ACTL8: variants seen among roughly 807,000 people sequenced by gnomAD.
ACTL8 encodes actin-like protein 8.
Under a neutral mutation model 9.3 loss-of-function variants are expected in ACTL8, and 3 were observed. That is an observed-to-expected ratio of 0.32 (90% CI 0.15 to 0.83). The LOEUF (loss-of-function observed/expected upper bound fraction) is 0.83, where lower values mean the gene tolerates loss of function less well. ACTL8 is among the 40% of genes least tolerant of loss of function. The probability of loss-of-function intolerance (pLI) is 0.57; values close to 1 mark genes in which losing one functional copy is unlikely to be tolerated. For synonymous variants in ACTL8, 224 were observed against 205.9 expected (o/e 1.09, Z -0.75); for missense variants, 381 against 492.2 (o/e 0.77, Z 2.14).
intron 1 of ACTL8, among the ~76,000 whole-genome samples, chr1:17,758,386 AT>A (rs2065980764): frequency 1.3e-5 from 2 of 152,194 alleles, no homozygotes; most frequent in African/African-American, 4.8e-5. Context: ...TATTTCATGT[AT>A]TTTTATATGT....
chr1:17,815,524 C>T (rs1274498743), intron 1 of ACTL8, among the ~76,000 whole-genome samples: 1 of 152,044 alleles, frequency 6.6e-6, no homozygotes, highest in African/African-American at 2.4e-5. Context: ...TGCAGTCATT[C>T]AAAGTGATAT....
At chr1:17,816,569 T>C (rs2066427650) in intron 1 of ACTL8, among the ~76,000 whole-genome samples, 2 of 152,236 alleles carry the variant, frequency 1.3e-5, no homozygotes, top group Non-Finnish European at 1.5e-5. Context: ...CTGTGTTCTT[T>C]TAACATCCTA....
At chr1:17,772,864 G>A (rs1165004079) in intron 1 of ACTL8, among the ~76,000 whole-genome samples, 3 of 152,060 alleles carry the variant, frequency 2.0e-5, no homozygotes, top group African/African-American at 7.2e-5. Context: ...GCCTCTGTGT[G>A]GGTAATGAGG....
At chr1:17,804,930 C>T (rs1213715512) in intron 1 of ACTL8, among the ~76,000 whole-genome samples, 1 of 152,040 alleles carries the variant, frequency 6.6e-6, no homozygotes, top group Non-Finnish European at 1.5e-5. Context: ...CATCTTCTAT[C>T]CTCAACCCAG....
chr1:17,783,834 G>A (rs545415225), intron 1 of ACTL8, among the ~76,000 whole-genome samples: 1 of 152,318 alleles, frequency 6.6e-6, no homozygotes, highest in Non-Finnish European at 1.5e-5. Flanking sequence ...GGTGTAAAGG[G>A]GATATCTTGG....
intron 1 of ACTL8, among the ~76,000 whole-genome samples, chr1:17,796,678 G>A (rs1317834346): frequency 3.3e-5 from 5 of 152,218 alleles, no homozygotes; most frequent in Non-Finnish European, 7.3e-5. Flanking sequence ...CAGCTACCCT[G>A]TGGCTCATAC....
chr1:17,792,847 AGGGAGGT>A lies in ACTL8; in HGVS notation c.-24-30135_-24-30129del, dbSNP rs2066249990. 2.0e-5 allele frequency among the ~76,000 whole-genome samples: 3 copies of A among 152,352 alleles called. No homozygotes were observed. The South Asian group carries it at 6.2e-4, about 32-fold the overall frequency. On this transcript the variant is annotated intron_variant, in intron 1 of 2. Transcript: ENST00000375406. Reference sequence around the variant, plus strand: ...AGGACAGAAGACCCTGTTATCATCCAGGGAGGTGGCAGACTGAAGATCCCAGAGAACT... The same window carrying A: ...AGGACAGAAGACCCTGTTATCATCCAGGCAGACTGAAGATCCCAGAGAACT...
At chr1:17,759,788 G>A (rs2065989655) in intron 1 of ACTL8, among the ~76,000 whole-genome samples, 1 of 152,190 alleles carries the variant, frequency 6.6e-6, no homozygotes, top group Non-Finnish European at 1.5e-5. Context: ...CTCTAGCTCA[G>A]CACTGGGTGG....
intron 1 of ACTL8, among the ~76,000 whole-genome samples, chr1:17,818,208 G>A (rs6674185): frequency 0.012 from 1,831 of 152,222 alleles, 36 homozygotes; most frequent in African/African-American, 0.042. Flanking sequence ...GCTAAAAATT[G>A]TGGTATCTTC....
chr1:17,815,455 C>T (rs2066420421), intron 1 of ACTL8, among the ~76,000 whole-genome samples: 1 of 151,952 alleles, frequency 6.6e-6, no homozygotes, highest in African/African-American at 2.4e-5. Context: ...TCTTTCAGTC[C>T]TTTAAAGATG....
intron 1 of ACTL8, among the ~76,000 whole-genome samples, chr1:17,761,223 G>T (rs1358944300): frequency 5.4e-5 from 8 of 148,886 alleles, no homozygotes; most frequent in Non-Finnish European, 1.2e-4. Flanking sequence ...CAGCCCTCCC[G>T]GCCTCCCAAA....
intron 1 of ACTL8, among the ~76,000 whole-genome samples, chr1:17,811,934 G>C (rs566992): frequency 0.49 from 73,041 of 150,496 alleles, 18,161 homozygotes; most frequent in East Asian, 0.68. Flanking sequence ...ATGATCTGAT[G>C]TCAGCTCACT....
chr1:17,810,556 G>T (rs995445445), intron 1 of ACTL8, among the ~76,000 whole-genome samples: 3 of 152,066 alleles, frequency 2.0e-5, no homozygotes, highest in African/African-American at 7.2e-5. Context: ...GGCGAGACTC[G>T]CTTTTTTTGA....
chr1:17,806,270 G>T (rs634658), intron 1 of ACTL8, among the ~76,000 whole-genome samples: 85,154 of 152,020 alleles, frequency 0.56, 24,380 homozygotes, highest in East Asian at 0.76. Flanking sequence ...AATCAATCAA[G>T]CCTTCCTGCC....
At chr1:17,761,323 G>A (rs751626729) in intron 1 of ACTL8, among the ~76,000 whole-genome samples, 3 of 151,924 alleles carry the variant, frequency 2.0e-5, no homozygotes, top group Non-Finnish European at 4.4e-5. Flanking sequence ...GCAGTGCCTG[G>A]CATGCAGCAG....
chr1:17,821,905 C>T (rs563893364), intron 1 of ACTL8, among the ~76,000 whole-genome samples: 5 of 152,308 alleles, frequency 3.3e-5, no homozygotes, highest in South Asian at 2.1e-4. Context: ...AGATTACATG[C>T]GTGAACCACC....
intron 1 of ACTL8, among the ~76,000 whole-genome samples, chr1:17,784,209 G>A (rs1331722989): frequency 1.3e-5 from 2 of 152,170 alleles, no homozygotes; most frequent in African/African-American, 4.8e-5. Context: ...TCTTAACATG[G>A]TGGAGTGGAG....
chr1:17,796,504 C>G (rs2066278305), intron 1 of ACTL8, among the ~76,000 whole-genome samples: 1 of 152,158 alleles, frequency 6.6e-6, no homozygotes, highest in African/African-American at 2.4e-5. Flanking sequence ...AACTGAGGCT[C>G]GCATGGGAGA....
chr1:17,773,017 C>A (rs562699324), intron 1 of ACTL8, among the ~76,000 whole-genome samples: 1 of 152,284 alleles, frequency 6.6e-6, no homozygotes, highest in East Asian at 1.9e-4. Flanking sequence ...ATCATACCAG[C>A]ATTATTGGAG....
Sources: allele counts gnomAD v4.1 joint callset (sites outside exome capture counted in the v4.1 genomes callset), GRCh38; gene constraint gnomAD v4.1.1; transcripts MANE v1.5; gene names NCBI Gene and HGNC (gene_info 2026-07-23, HGNC 2026-07-21).